The following TMPRSS9 variants were observed in gnomAD, a reference collection of about 807,000 sequenced individuals.
The protein encoded by TMPRSS9 is transmembrane protease serine 9.
Under a neutral mutation model 111.4 loss-of-function variants are expected in TMPRSS9, and 113 were observed. The ratio of observed to expected loss-of-function variants is 1.01; its 90% confidence interval spans 0.87 to 1.19. TMPRSS9 has a LOEUF of 1.19. Ranked by LOEUF, TMPRSS9 falls within the 50% of genes most tolerant of loss-of-function variation. TMPRSS9 has a pLI of 0.00. For missense variants in TMPRSS9, 1,803 were observed against 1,513.1 expected, an observed-to-expected ratio of 1.19 and a Z score of -3.18; for synonymous variants, 805 against 659.1, an observed-to-expected ratio of 1.22 and a Z score of -3.39.
intron 1 of TMPRSS9, among the ~76,000 whole-genome samples, chr19:2,379,418 C>A (rs529266729): frequency 6.6e-6 from 1 of 152,024 alleles, no homozygotes; most frequent in East Asian, 1.9e-4. Flanking sequence ...ATCTCCTGAC[C>A]TCGTGTTCTG....
intron 11 of TMPRSS9, 43 bp downstream of exon 12, chr19:2,415,884 C>G (rs1361226883): frequency 6.5e-7 from 1 of 1,530,362 alleles, no homozygotes; most frequent in South Asian, 1.3e-5. Context: ...GCTTCCCCTC[C>G]TCACCAGCCC....
rs1278915485 is a variant in TMPRSS9, at chr19:2,403,200, G to A, written c.670+5G>A. 2 of 1,598,540 alleles carry A rather than the reference G, an allele frequency of 1.3e-6. No homozygotes were observed. Among genetic ancestry groups the A allele is most frequent in the Non-Finnish European group, 1.7e-6 (2 of 1,173,700 alleles). ...GGTCCGACGAGGCGCACTGCGGTCA[G>A]TCTGCCTGTCTGGCCTGGTCTCTGG... On this transcript the variant is annotated splice_donor_5th_base_variant and intron_variant, in intron 6 of 17. Transcript: ENST00000648592.
chr19:2,373,057 C>T (rs138285589), intron 1 of TMPRSS9, among the ~76,000 whole-genome samples: 4,925 of 151,938 alleles, frequency 0.032, 290 homozygotes, highest in African/African-American at 0.11. Flanking sequence ...TGGTCTCAAC[C>T]CCTGGCCTCA....
exon 7 of TMPRSS9, chr19:2,405,438 G>A (rs757846099): frequency 1.0e-5 from 16 of 1,607,906 alleles, no homozygotes; most frequent in Middle Eastern, 1.7e-4. Flanking sequence ...AAGCATCCCC[G>A]GGGGAGTTTC....
intron 1 of TMPRSS9, among the ~76,000 whole-genome samples, chr19:2,370,185 G>C (rs1970277501): frequency 6.6e-6 from 1 of 152,030 alleles, no homozygotes; most frequent in Non-Finnish European, 1.5e-5. Flanking sequence ...CTCTAGCCTG[G>C]GTGACAAGAG....
chr19:2,382,656 TAC>T (rs908270739), intron 1 of TMPRSS9, among the ~76,000 whole-genome samples: 1 of 142,620 alleles, frequency 7.0e-6, no homozygotes. Context: ...CATGCACACA[TAC>T]ACACATGCAC....
At chr19:2,416,351 C>T (rs555423018) in intron 11 of TMPRSS9, 187 bp from the exon 13 acceptor site, 115 of 748,294 alleles carry the variant, frequency 1.5e-4, no homozygotes, top group Non-Finnish European at 2.2e-4. Flanking sequence ...GCTTGGGATC[C>T]TTTTCAGGAG....
At chr19:2,405,577 AC>A in intron 7 of TMPRSS9, 32 bp downstream of exon 8, 1 of 1,486,844 alleles carries the variant, frequency 6.7e-7, no homozygotes, top group Non-Finnish European at 8.9e-7. Flanking sequence ...CCAAACCCGA[AC>A]CCTCTGTATT....
chr19:2,425,677 A>G, intron 17 of TMPRSS9, 184 bp downstream of exon 18: 1 of 1,263,274 alleles, frequency 7.9e-7, no homozygotes, highest in Non-Finnish European at 1.0e-6. Flanking sequence ...TGGGCAACCC[A>G]CCGCATCCCA....
intron 4 of TMPRSS9, among the ~76,000 whole-genome samples, chr19:2,401,640 C>G (rs1447427482): frequency 6.6e-6 from 1 of 151,822 alleles, no homozygotes; most frequent in East Asian, 2.0e-4. Flanking sequence ...TGGAGTCTCG[C>G]TCTGTCGCCC....
intron 1 of TMPRSS9, among the ~76,000 whole-genome samples, chr19:2,370,190 CAA>C (rs1970277556): frequency 6.6e-6 from 1 of 150,814 alleles, no homozygotes; most frequent in South Asian, 2.1e-4. Flanking sequence ...GCCTGGGTGA[CAA>C]GAGACTTCAT....
chr19:2,379,670 T>TTTCTTTCTTTCTTTCTTTCC (rs1568170884), intron 1 of TMPRSS9, among the ~76,000 whole-genome samples: 4 of 149,090 alleles, frequency 2.7e-5, no homozygotes, highest in African/African-American at 1.0e-4. Flanking sequence ...TCTTTCTTTC[T>TTTCTTTCTTTCTTTCTTTCC]TTCTTTCTCT....
chr19:2,400,251 T>C (rs879819916), intron 4 of TMPRSS9, among the ~76,000 whole-genome samples: 66 of 152,304 alleles, frequency 4.3e-4, no homozygotes, highest in African/African-American at 1.6e-3. Flanking sequence ...CTAATAAAAT[T>C]GTATGGAAGG....
chr19:2,378,905 T>C (rs1365747518), intron 1 of TMPRSS9, among the ~76,000 whole-genome samples: 1 of 152,108 alleles, frequency 6.6e-6, no homozygotes, highest in Non-Finnish European at 1.5e-5. Context: ...AAGCCCCTTA[T>C]AAAACCATAA....
intron 1 of TMPRSS9, among the ~76,000 whole-genome samples, chr19:2,395,607 G>C (rs1970689176): frequency 6.6e-6 from 1 of 151,922 alleles, no homozygotes; most frequent in Admixed American, 6.6e-5. Context: ...AGCTACTCCG[G>C]AGGCTGAGGC....
In TMPRSS9 at chr19:2,418,297, T is replaced by C. The variant is rs1284299880; in HGVS notation, c.2154+159T>C. Among the ~76,000 whole-genome samples the C allele has an allele frequency of 2.1e-4, 11 of 53,100 alleles. 1 individual carries two copies. Among genetic ancestry groups the C allele is most frequent in the African/African-American group, 1.1e-3 (8 of 7,010 alleles). The allele number at this position is 53,100 out of a possible 152,430, so 34.8% of individuals were successfully genotyped here. A position where few individuals can be genotyped will look rare whatever the true frequency, so the allele number is the denominator to read the frequency against. ...CCCTCCTTTTCCTTTCCTCCTTTCC[T>C]TCCCTCCCTTTCCCTCCCTCCCTCC... On this transcript the variant is annotated intron_variant, in intron 13 of 17. Coordinates refer to ENST00000648592, the Ensembl canonical transcript of TMPRSS9.
intron 1 of TMPRSS9, among the ~76,000 whole-genome samples, chr19:2,395,283 G>T (rs1250879152): frequency 6.6e-6 from 1 of 151,988 alleles, no homozygotes; most frequent in Non-Finnish European, 1.5e-5. Flanking sequence ...AGCCAGGTGT[G>T]GTGGTCCACG....
At position 2,399,137 on chromosome 19, in the gene TMPRSS9, G is replaced by A. The variant is rs201211554; in HGVS notation, c.458G>A (p.Arg153Gln). ...CAGCGAGGGATCCGGGCAAGGCTGC[G>A]GGAGCACGGCATCTCCCTGGCTGCC... The change falls in exon 4 of 18, where the codon CGG (arginine) becomes CAG (glutamine). Residue 153 changes from arginine to glutamine, a missense_variant. Physicochemically the swap from Arg to Gln is conservative, Grantham distance 43 (BLOSUM62 1). Transcript: ENST00000648592. 3.2e-5 allele frequency: 51 copies of A among 1,613,230 alleles called. No individual in the cohort carries two copies. The East Asian group carries it at 4.9e-4, about 16-fold the overall frequency.
exon 14 of TMPRSS9, chr19:2,422,009 C>A (rs771742486): frequency 6.2e-6 from 10 of 1,613,022 alleles, no homozygotes; most frequent in Admixed American, 1.7e-5. Context: ...AGATCATGTC[C>A]TCCCAGCCCC....
Sources: gnomAD v4.1 joint callset for allele counts (sites outside exome capture counted in the v4.1 genomes callset) on GRCh38, gnomAD v4.1.1 for gene constraint, MANE v1.5 for transcripts, NCBI Gene and HGNC (gene_info 2026-07-23, HGNC 2026-07-21) for gene names.